Variants in RASGRP2 observed in about 807,000 individuals in gnomAD.
RASGRP2 encodes RAS guanyl releasing protein 2, also known as RAS guanyl-releasing protein 2.
Under a neutral mutation model 71.0 loss-of-function variants are expected in RASGRP2, and 44 were observed. The observed-to-expected ratio is 0.62, with a 90% CI of 0.49 to 0.80. The LOEUF (loss-of-function observed/expected upper bound fraction) is 0.80. RASGRP2 is among the 30% of genes least tolerant of loss of function. The pLI is 0.00. For missense variants in RASGRP2, 663 were observed against 813.4 expected, an observed-to-expected ratio of 0.82 and a Z score of 2.25; for synonymous variants, 350 against 330.7, an observed-to-expected ratio of 1.06 and a Z score of -0.63.
At position 64,743,208 on chromosome 11, in the gene RASGRP2, G is replaced by A. The variant is rs1436880475; in HGVS notation, c.-71-271C>T. 1 of 539,338 alleles carries A rather than the reference G, an allele frequency of 1.9e-6. No individual in the cohort carries two copies. Among genetic ancestry groups the A allele is most frequent in the Admixed American group, 2.2e-5 (1 of 44,820 alleles). 33.4% of individuals were successfully genotyped at this position (539,338 alleles called of 1,614,324 possible). A position where few individuals can be genotyped will look rare whatever the true frequency, so the allele number is the denominator to read the frequency against. On this transcript the variant is annotated intron_variant, in intron 1 of 16. Coordinates refer to ENST00000394432, the MANE Select transcript of RASGRP2 (RefSeq NM_001098671.2). The surrounding 1 kb of genome is among the most constrained non-coding windows in gnomAD (Gnocchi z 4.9). ...GGGGACGAACCAAGATCCCAGGACT[G>A]GCTGGCGCCCAGCCCCCCGCAGGGC...
chr11:64,736,730 C>T (rs781031006), intron 9 of RASGRP2, 23 bp downstream of exon 9: 1 of 1,560,518 alleles, frequency 6.4e-7, no homozygotes, highest in South Asian at 1.2e-5. Flanking sequence ...CAGCTCCCCA[C>T]CTCCCTGCCC....
In RASGRP2 at chr11:64,742,442, C is replaced by CA. The variant is rs1239764122; in HGVS notation, c.74-331_74-330insT. ...GAGCGCTTGGGGGGAAGGGGCACCC[C>CA]TTCACCAGATAAGCCGCCCCCCATT... On this transcript the variant is annotated intron_variant, in intron 2 of 16. Coordinates refer to ENST00000394432, the MANE Select transcript of RASGRP2 (RefSeq NM_001098671.2). This position sits in a 1 kb window ranked among gnomAD's most constrained non-coding sequence, Gnocchi z 4.7. 12 of 562,620 alleles carry CA rather than the reference C, an allele frequency of 2.1e-5. No homozygotes were observed. Among genetic ancestry groups the CA allele is most frequent in the Admixed American group, 1.2e-4 (4 of 32,652 alleles). The allele number at this position is 562,620 out of a possible 1,614,324, so 34.9% of individuals were successfully genotyped here.
In RASGRP2 at chr11:64,739,584, C is replaced by A. The variant is rs998475248; in HGVS notation, c.696+52G>T. 4 of 1,612,794 alleles carry A rather than the reference C, an allele frequency of 2.5e-6. No homozygotes were observed. The East Asian group carries it at 8.9e-5, about 36-fold the overall frequency. On this transcript the variant is annotated intron_variant, in intron 7 of 16. Transcript: ENST00000394432. The surrounding 1 kb of genome is among the most constrained non-coding windows in gnomAD (Gnocchi z 4.2). ...TGGGTTAGGGGAAGGGAAGGGTTGG[C>A]CTGACTGGCATGTGGGGTGGTTGGG... is the stretch of plus-strand genomic sequence containing the variant.
In RASGRP2 at chr11:64,730,187, A is replaced by G; in HGVS notation, c.1420T>C (p.Cys474Arg). The change falls in exon 13 of 17, where the codon TGC (cysteine) becomes CGC (arginine). Residue 474 changes from cysteine (C) to arginine (R), a missense_variant. By Grantham distance (180) the Cys-to-Arg change is radical (BLOSUM62 -3). Transcript: ENST00000394432. ...GAAACCATCTCCTCCCTGCTGATGCAGCCATCCCTGTGGGGAGTTGCGGGG... is the reference window on the plus strand; with the variant it reads ...GAAACCATCTCCTCCCTGCTGATGCGGCCATCCCTGTGGGGAGTTGCGGGG... ...FGDLDQNQDG[C>R]ISREEMVSYF... is the part of the protein sequence containing the mutation. The G allele has an allele frequency of 2.6e-6, 4 of 1,551,630 alleles. No individual in the cohort carries two copies. The highest frequency in any genetic ancestry group is 3.5e-6 in the Non-Finnish European group (4 of 1,146,990).
At position 64,743,837 on chromosome 11, in the gene RASGRP2, C is replaced by A; in HGVS notation, c.-72+166G>T. ...CGCACCCTGGCAGGGGCAAACACTC[C>A]ACACCCAAGTTATTCGTCGGAGGCC... On this transcript the variant is annotated intron_variant, in intron 1 of 16. Transcript: ENST00000394432. This position sits in a 1 kb window ranked among gnomAD's most constrained non-coding sequence, Gnocchi z 4.9. 1 of 315,886 alleles carries A rather than the reference C, an allele frequency of 3.2e-6. No homozygotes were observed. Among genetic ancestry groups the A allele is most frequent in the Admixed American group, 5.9e-5 (1 of 17,062 alleles). 19.6% of individuals were successfully genotyped at this position (315,886 alleles called of 1,614,324 possible). A position where few individuals can be genotyped will look rare whatever the true frequency, so the allele number is the denominator to read the frequency against.
At chr11:64,741,594 T>A (rs1038884903) in intron 3 of RASGRP2, 93 bp from the exon 4 acceptor site, 2 of 1,133,282 alleles carry the variant, frequency 1.8e-6, no homozygotes. Flanking sequence ...AGGAGACACG[T>A]TCTAGGGATG....
Position 64,735,548 on chromosome 11 carries a change from C to T in RASGRP2, c.1290G>A (p.Met430Ile). ...AGGCTCCGCAGGAGCTCACCTCCAC[C>T]ATCTTCTCGATGTGCTCCACCACGA... is the stretch of plus-strand genomic sequence containing the variant. ...QALVVEHIEKMVESVFRNFDV... is the reference protein window; with the variant it reads ...QALVVEHIEKIVESVFRNFDV... Residue 430 changes from methionine to isoleucine, a missense_variant, in exon 11 of 17, where the codon ATG becomes ATA. Physicochemically the swap from Met to Ile is conservative, Grantham distance 10. Coordinates refer to ENST00000394432, the MANE Select transcript of RASGRP2 (RefSeq NM_001098671.2). This position sits in a 1 kb window ranked among gnomAD's most constrained non-coding sequence, Gnocchi z 4.2. The T allele has an allele frequency of 6.2e-7, 1 of 1,614,070 alleles. No individual in the cohort carries two copies. Among genetic ancestry groups the T allele is most frequent in the East Asian group, 2.2e-5 (1 of 44,876 alleles).
At position 64,743,528 on chromosome 11, in the gene RASGRP2, C is replaced by T. The variant is rs937676250; in HGVS notation, c.-72+475G>A. On this transcript the variant is annotated intron_variant, in intron 1 of 16. Transcript: ENST00000394432. This position sits in a 1 kb window ranked among gnomAD's most constrained non-coding sequence, Gnocchi z 4.9. ...GCGGACTGGATGGGAGAGGAACATT[C>T]CTGGGGCGGGGGGAGCCCGCTGCGG... 2 of 339,392 alleles carry T rather than the reference C, an allele frequency of 5.9e-6. No individual in the cohort carries two copies. The highest frequency in any genetic ancestry group is 1.2e-5 in the Non-Finnish European group (2 of 173,308). The allele number at this position is 339,392 out of a possible 1,614,324, so 21.0% of individuals were successfully genotyped here.
At chr11:64,733,360 AG>A in intron 12 of RASGRP2, among the ~76,000 whole-genome samples, 1 of 150,646 alleles carries the variant, frequency 6.6e-6, no homozygotes, top group Non-Finnish European at 1.5e-5. Context: ...ACCAGGTGCT[AG>A]GTTTTGATAC....
At chr11:64,733,490 A>G (rs948009605) in intron 12 of RASGRP2, among the ~76,000 whole-genome samples, 3 of 151,958 alleles carry the variant, frequency 2.0e-5, no homozygotes, top group African/African-American at 7.3e-5. Context: ...AGACCGCTGC[A>G]TGAAGCTGAG....
intron 8 of RASGRP2, among the ~76,000 whole-genome samples, chr11:64,738,376 C>T (rs1479990908): frequency 2.0e-5 from 3 of 152,042 alleles, no homozygotes; most frequent in Admixed American, 6.6e-5. Flanking sequence ...TTTCCCAACC[C>T]GGGCAGTAGT....
chr11:64,734,259 C>T (rs181366909), intron 12 of RASGRP2, among the ~76,000 whole-genome samples: 1 of 151,698 alleles, frequency 6.6e-6, no homozygotes, highest in Non-Finnish European at 1.5e-5. Context: ...TTGCAGCGAG[C>T]CGAGATTGTA....
chr11:64,737,259 G>A, intron 8 of RASGRP2: 2 of 584,218 alleles, frequency 3.4e-6, no homozygotes, highest in East Asian at 2.9e-5. Flanking sequence ...CTCTAAACCA[G>A]GCCTGGATGC....
In RASGRP2 at chr11:64,733,849, T is replaced by C. The variant is rs1035511050; in HGVS notation, c.1412+1263A>G. The stretch of plus-strand genomic sequence containing the variant: ...AGGGGACTTTCATTTCTTCCTTTTT[T>C]TTTCTTTTTTTTTTTTTTGATGGGG... On this transcript the variant is annotated intron_variant, in intron 12 of 16. Transcript: ENST00000394432. Among the ~76,000 whole-genome samples, 51 of 51,202 alleles carry C rather than the reference T, an allele frequency of 1.0e-3. No individual in the cohort carries two copies. The East Asian group carries it at 0.04, about 40-fold the overall frequency. 33.6% of individuals were successfully genotyped at this position (51,202 alleles called of 152,430 possible).
In RASGRP2 at chr11:64,743,015, G is replaced by T. The variant is rs1249467818; in HGVS notation, c.-71-78C>A. 8 of 1,416,426 alleles carry T rather than the reference G, an allele frequency of 5.6e-6. No individual in the cohort carries two copies. Among genetic ancestry groups the T allele is most frequent in the Non-Finnish European group, 7.6e-6 (8 of 1,048,170 alleles). The allele number at this position is 1,416,426 out of a possible 1,614,324, so 87.7% of individuals were successfully genotyped here. A position where few individuals can be genotyped will look rare whatever the true frequency, so the allele number is the denominator to read the frequency against. ...GCCCCGCGGGCAGAAACGGGGCGGGGCGGGCACGCCCCCTGCTGGACAGGG... is the reference window on the plus strand; with the variant it reads ...GCCCCGCGGGCAGAAACGGGGCGGGTCGGGCACGCCCCCTGCTGGACAGGG... On this transcript the variant is annotated intron_variant, in intron 1 of 16. Transcript: ENST00000394432. This position sits in a 1 kb window ranked among gnomAD's most constrained non-coding sequence, Gnocchi z 4.9.
upstream of RASGRP2, chr11:64,745,328 G>T (rs902448452): frequency 5.2e-5 from 8 of 152,732 alleles, no homozygotes; most frequent in Admixed American, 1.3e-4. Context: ...GCAGGCAGCG[G>T]GTGGCACAGG....
chr11:64,735,801 A>G lies in RASGRP2; in HGVS notation c.1173+102T>C, dbSNP rs1165523197. 3 of 1,481,428 alleles carry G rather than the reference A, an allele frequency of 2.0e-6. No homozygotes were observed. The highest frequency in any genetic ancestry group is 4.8e-5 in the East Asian group (2 of 41,844). 91.8% of individuals were successfully genotyped at this position (1,481,428 alleles called of 1,614,324 possible). ...TACCCCCAGGATGCCTCTGTCCTAC[A>G]AGATGGATGGGTGAGGTGGCTGCTA... is the stretch of plus-strand genomic sequence containing the variant. On this transcript the variant is annotated intron_variant, in intron 10 of 16. Coordinates refer to ENST00000394432, the MANE Select transcript of RASGRP2 (RefSeq NM_001098671.2). This position sits in a 1 kb window ranked among gnomAD's most constrained non-coding sequence, Gnocchi z 4.2.
intron 8 of RASGRP2, among the ~76,000 whole-genome samples, chr11:64,737,678 C>CAAAAAAAAAAAAAA (rs59836204): frequency 1.1e-5 from 1 of 91,160 alleles, no homozygotes. Context: ...GACTCCATCT[C>CAAAAAAAAAAAAAA]AAAAAAAAAA....
In RASGRP2 at chr11:64,744,100, C is replaced by G. The variant is rs752918935; in HGVS notation, c.-169G>C. On this transcript the variant is annotated 5_prime_UTR_variant, in exon 1 of 17. Transcript: ENST00000394432. ...GCCAGCCTTGAGTCCCGCGGCCACA[C>G]AGGCGCTGACATCCTCACACGTGTG... 1.0e-5 allele frequency: 10 copies of G among 988,376 alleles called. No individual in the cohort carries two copies. The highest frequency in any genetic ancestry group is 1.1e-5 in the Non-Finnish European group (9 of 831,146). The allele number at this position is 988,376 out of a possible 1,614,324, so 61.2% of individuals were successfully genotyped here.
Sources: gnomAD v4.1 joint callset for allele counts (sites outside exome capture counted in the v4.1 genomes callset) on GRCh38, gnomAD v4.1.1 for gene constraint, Gnocchi (gnomAD v3.1) non-coding constraint, MANE v1.5 for transcripts, NCBI Gene and HGNC (gene_info 2026-07-23, HGNC 2026-07-21) for gene names.